Variants in ATP5PO observed in about 807,000 individuals in gnomAD.
The protein encoded by ATP5PO is ATP synthase peripheral stalk subunit OSCP, mitochondrial.
ATP5PO carries 14 observed loss-of-function variants against 26.2 expected under a neutral mutation model. The observed-to-expected ratio is 0.53, with a 90% confidence interval of 0.35 to 0.83. The LOEUF (loss-of-function observed/expected upper bound fraction) is 0.83, where lower values mean the gene tolerates loss of function less well. ATP5PO is among the 40% of genes least tolerant of loss of function. The pLI is 0.01. For synonymous variants in ATP5PO, 106 were observed against 95.1 expected (o/e 1.12, Z -0.67); for missense variants, 241 against 258.5 (o/e 0.93, Z 0.46).
chr21:33,915,734 G>T lies in ATP5PO; in HGVS notation c.30C>A (p.Ser10=). The T allele has an allele frequency of 6.3e-7, 1 of 1,575,386 alleles. No individual in the cohort carries two copies. The highest frequency in any genetic ancestry group is 2.3e-5 in the East Asian group (1 of 42,934). Residue 10 remains serine (S), a synonymous_variant, in exon 1 of 7, where the codon TCC becomes TCA. Coordinates refer to ENST00000290299, the MANE Select transcript of ATP5PO (RefSeq NM_001697.3). MAAPAVSGL[S]RQVRCFSTSV... ...AGGACCACCTTTCTCTCACCTGCCG[G>T]GAGAGCCCGGACACTGCTGGGGCAG...
intron 5 of ATP5PO, among the ~76,000 whole-genome samples, chr21:33,905,161 G>A (rs746905365): frequency 4.6e-5 from 7 of 151,664 alleles, no homozygotes; most frequent in African/African-American, 1.2e-4. Context: ...CCTTTTTTTG[G>A]GGGTGGGGGG....
At chr21:33,911,662 GTTTTTTT>G (rs58774588) in intron 3 of ATP5PO, among the ~76,000 whole-genome samples, 2,590 of 92,134 alleles carry the variant, frequency 0.028, 39 homozygotes, top group Middle Eastern at 0.04. Context: ...ATAAGCATAG[GTTTTTTT>G]TTTTTTTTTT....
At chr21:33,907,269 T>C in intron 5 of ATP5PO, 72 bp downstream of exon 5, 1 of 1,335,926 alleles carries the variant, frequency 7.5e-7, no homozygotes, top group Non-Finnish European at 1.1e-6. Flanking sequence ...ACCCTGTTTT[T>C]CCCTTTTCTT....
rs1477807481 is a variant in ATP5PO, at chr21:33,914,506, A to G, written c.37-6T>C. Reference sequence around the variant, plus strand: ...GAGGTACTGAAGCATCGCACCTTCAAAGCAATAAAGGAAAATAGATCAAAC... The same window carrying G: ...GAGGTACTGAAGCATCGCACCTTCAGAGCAATAAAGGAAAATAGATCAAAC... On this transcript the variant is annotated splice_region_variant and splice_polypyrimidine_tract_variant and intron_variant, in intron 1 of 6. Transcript: ENST00000290299. 1 of 1,612,342 alleles carries G rather than the reference A, an allele frequency of 6.2e-7. No individual in the cohort carries two copies. Among genetic ancestry groups the G allele is most frequent in the Admixed American group, 1.7e-5 (1 of 59,752 alleles).
At position 33,915,737 on chromosome 21, in the gene ATP5PO, G is replaced by A. The variant is rs763907878; in HGVS notation, c.27C>T (p.Leu9=). 17 of 1,576,436 alleles carry A rather than the reference G, an allele frequency of 1.1e-5. No individual in the cohort carries two copies. The African/African-American group carries it at 1.8e-4, about 16-fold the overall frequency. The change falls in exon 1 of 7, where the codon CTC becomes CTT. Residue 9 remains leucine, a synonymous_variant. Transcript: ENST00000290299. MAAPAVSG[L]SRQVRCFSTS... ...ACCACCTTTCTCTCACCTGCCGGGA[G>A]AGCCCGGACACTGCTGGGGCAGCCA...
chr21:33,914,566 T>A, intron 1 of ATP5PO, 66 bp from the exon 2 acceptor site: 1 of 1,470,400 alleles, frequency 6.8e-7, no homozygotes, highest in Non-Finnish European at 9.4e-7. Flanking sequence ...TTTAACTCAA[T>A]AACAACAAAA....
chr21:33,908,992 C>G (rs536355622), intron 4 of ATP5PO, 90 bp downstream of exon 4: 1 of 1,392,070 alleles, frequency 7.2e-7, no homozygotes, highest in Non-Finnish European at 9.7e-7. Context: ...CAACAGGCTC[C>G]CAGGTGATGC....
At chr21:33,911,662 G>GTTTCTTT (rs1555982863) in intron 3 of ATP5PO, among the ~76,000 whole-genome samples, 6 of 92,080 alleles carry the variant, frequency 6.5e-5, no homozygotes, top group Non-Finnish European at 8.1e-5. Flanking sequence ...ATAAGCATAG[G>GTTTCTTT]TTTTTTTTTT....
intron 5 of ATP5PO, chr21:33,907,044 A>C: frequency 2.6e-6 from 1 of 385,390 alleles, no homozygotes. Flanking sequence ...TGGTATTCAT[A>C]AAATAATTCA....
rs545951551 is a variant in ATP5PO, at chr21:33,904,656, T to G, written c.442-635A>C. Among the ~76,000 whole-genome samples the G allele has an allele frequency of 1.4e-4, 21 of 152,272 alleles. 1 individual carries two copies. The South Asian group carries it at 4.3e-3, about 32-fold the overall frequency. On this transcript the variant is annotated intron_variant, in intron 5 of 6. Transcript: ENST00000290299. The stretch of plus-strand genomic sequence containing the variant: ...AGCACCTCAAATGTCCAGACTGCAC[T>G]CTCCTCTCGGCCCCAACTCTTACTC...
chr21:33,910,206 A>G lies in ATP5PO; in HGVS notation c.199-995T>C, dbSNP rs77837427. 2.0e-4 allele frequency among the ~76,000 whole-genome samples: 31 copies of G among 152,218 alleles called. No individual in the cohort carries two copies. The East Asian group carries it at 5.6e-3, about 28-fold the overall frequency. On this transcript the variant is annotated intron_variant, in intron 3 of 6. Transcript: ENST00000290299. The stretch of plus-strand genomic sequence containing the variant: ...TTAACACACCTCTCTATGCTTTTCA[A>G]TTACGCTCCTAGCACCTCCTCCCAG...
chr21:33,906,119 G>C (rs1015055973), intron 5 of ATP5PO, among the ~76,000 whole-genome samples: 12 of 152,042 alleles, frequency 7.9e-5, no homozygotes, highest in African/African-American at 2.9e-4. Flanking sequence ...TGTTTTGGGG[G>C]CACCAACTAC....
chr21:33,912,165 TACAG>T, intron 3 of ATP5PO, 120 bp downstream of exon 3: 1 of 653,384 alleles, frequency 1.5e-6, no homozygotes, highest in South Asian at 2.9e-5. Context: ...AAAATGTGTT[TACAG>T]ACAATGGCTT....
chr21:33,914,627 T>C lies in ATP5PO; in HGVS notation c.37-127A>G, dbSNP rs907405222. 4.8e-6 allele frequency: 4 copies of C among 836,072 alleles called. No homozygotes were observed. The East Asian group carries it at 1.0e-4, about 22-fold the overall frequency. 51.8% of individuals were successfully genotyped at this position (836,072 alleles called of 1,614,324 possible). A position where few individuals can be genotyped will look rare whatever the true frequency, so the allele number is the denominator to read the frequency against. On this transcript the variant is annotated intron_variant, in intron 1 of 6. Transcript: ENST00000290299. ...ACTTTTGTCTCTTTGTATATTCACA[T>C]ATTACATGAGGGTGAGCTACTTACT...
intron 4 of ATP5PO, chr21:33,908,823 A>C: frequency 8.4e-6 from 3 of 357,278 alleles, no homozygotes; most frequent in South Asian, 2.2e-4. Context: ...CCGCCTCCAC[A>C]GTTGAAACTA....
At position 33,907,419 on chromosome 21, in the gene ATP5PO, G is replaced by A; in HGVS notation, c.363C>T (p.Thr121=). ...LLAENGRLSN[T]QGVVSAFSTM... Reference sequence around the variant, plus strand: ...TAGAAAAGGCAGAAACGACTCCTTGGGTATTGCTTAATCGACCATTTTCAG... The same window carrying A: ...TAGAAAAGGCAGAAACGACTCCTTGAGTATTGCTTAATCGACCATTTTCAG... The change falls in exon 5 of 7, where the codon ACC becomes ACT. Residue 121 remains threonine, a synonymous_variant. Coordinates refer to ENST00000290299, the MANE Select transcript of ATP5PO (RefSeq NM_001697.3). 1 of 1,614,084 alleles carries A rather than the reference G, an allele frequency of 6.2e-7. No individual in the cohort carries two copies. Among genetic ancestry groups the A allele is most frequent in the Non-Finnish European group, 8.5e-7 (1 of 1,180,008 alleles).
Position 33,915,717 on chromosome 21 carries a change from CT to C in ATP5PO, c.36+10del. The C allele has an allele frequency of 1.3e-6, 2 of 1,570,814 alleles. No homozygotes were observed. Among genetic ancestry groups the C allele is most frequent in the Non-Finnish European group, 8.6e-7 (1 of 1,157,932 alleles). The stretch of plus-strand genomic sequence containing the variant: ...TCCTCCCACTGGCTCTCAGGACCAC[CT>C]TTCTCTCACCTGCCGGGAGAGCCCG... On this transcript the variant is annotated intron_variant, in intron 1 of 6. Coordinates refer to ENST00000290299, the MANE Select transcript of ATP5PO (RefSeq NM_001697.3).
At chr21:33,911,662 G>GTTTTTTTTTTTTTTTTTTTT (rs58774588) in intron 3 of ATP5PO, among the ~76,000 whole-genome samples, 2 of 92,080 alleles carry the variant, frequency 2.2e-5, no homozygotes, top group Non-Finnish European at 4.0e-5. Context: ...ATAAGCATAG[G>GTTTTTTTTTTTTTTTTTTTT]TTTTTTTTTT....
intron 1 of ATP5PO, chr21:33,914,821 T>G: frequency 3.8e-6 from 1 of 263,864 alleles, no homozygotes; most frequent in South Asian, 6.8e-5. Flanking sequence ...TAACCAAAAT[T>G]TTGGCGTTTC....
Sources: gnomAD v4.1 joint callset for allele counts (sites outside exome capture counted in the v4.1 genomes callset) on GRCh38, gnomAD v4.1.1 for gene constraint, MANE v1.5 for transcripts, NCBI Gene and HGNC (gene_info 2026-07-23, HGNC 2026-07-21) for gene names.